The following TEX15 variants were observed in gnomAD, a reference collection of about 807,000 sequenced individuals.
The protein encoded by TEX15 is testis-expressed protein 15.
A neutral mutation model predicts 237.3 loss-of-function variants in TEX15; 171 were observed. The observed-to-expected ratio is 0.72, with a 90% CI of 0.64 to 0.82. The LOEUF (loss-of-function observed/expected upper bound fraction) is 0.82. Among genes scored for constraint, TEX15 ranks in the 40% least tolerant of loss-of-function variants. TEX15 has a pLI of 0.00. For missense variants in TEX15, 3,750 were observed against 3,646.5 expected, an observed-to-expected ratio of 1.03 and a Z score of -0.73; for synonymous variants, 1,338 against 1,269.8, an observed-to-expected ratio of 1.05 and a Z score of -1.14.
chr8:30,904,648 C>T (rs1034439424), intron 1 of TEX15, among the ~76,000 whole-genome samples: 1 of 152,018 alleles, frequency 6.6e-6, no homozygotes, highest in African/African-American at 2.4e-5. Context: ...GGTTAAAAAC[C>T]ACAAGTATTC....
intron 1 of TEX15, among the ~76,000 whole-genome samples, chr8:30,901,180 C>T (rs1808998525): frequency 6.6e-6 from 1 of 152,056 alleles, no homozygotes; most frequent in Non-Finnish European, 1.5e-5. Context: ...CCAAAATGGT[C>T]TTCAATAGCT....
At position 30,845,908 on chromosome 8, in the gene TEX15, C is replaced by T; in HGVS notation, c.4259G>A (p.Cys1420Tyr). Reference sequence around the variant, plus strand: ...GTCACAACTTTCCCAGAAATTATTGCATATTATTGCATATGATTTTGGTAA... The same window carrying T: ...GTCACAACTTTCCCAGAAATTATTGTATATTATTGCATATGATTTTGGTAA... ...GPLPKSYAII[C>Y]NNFWESCDLQ... is the part of the protein sequence containing the mutation. Residue 1420 changes from cysteine to tyrosine, a missense_variant, in exon 8 of 11, where the codon TGC becomes TAC. Cys to Tyr is a radical substitution (Grantham distance 194). Coordinates refer to ENST00000643185, the MANE Select transcript of TEX15 (RefSeq NM_001350162.2). 3 of 1,613,254 alleles carry T rather than the reference C, an allele frequency of 1.9e-6. No individual in the cohort carries two copies. Among genetic ancestry groups the T allele is most frequent in the Non-Finnish European group, 2.5e-6 (3 of 1,179,558 alleles).
rs183812023 is a variant in TEX15, at chr8:30,911,194, A to G, written c.-86+1685T>C. The stretch of plus-strand genomic sequence containing the variant: ...GAGTGCAGTGGTGCAATCTCAGCTC[A>G]CTGCAGCCTCAAACTCCCAGACTCA... On this transcript the variant is annotated intron_variant, in intron 1 of 10. Coordinates refer to ENST00000643185, the MANE Select transcript of TEX15 (RefSeq NM_001350162.2). Among the ~76,000 whole-genome samples the G allele has an allele frequency of 3.3e-4, 51 of 152,318 alleles. No homozygotes were observed. In the East Asian group the frequency reaches 9.3e-3, roughly 28 times the overall value.
chr8:30,843,615 G>A lies in TEX15; in HGVS notation c.6552C>T (p.Ser2184=), dbSNP rs61746109. Residue 2184 remains serine, a synonymous_variant, in exon 8 of 11, where the codon TCC becomes TCT. Transcript: ENST00000643185. ...CAGAAAGAGAAAAATCAAAGCAATCGGAACAATGCTCCATTATGGCTTCAC... is the reference window on the plus strand; with the variant it reads ...CAGAAAGAGAAAAATCAAAGCAATCAGAACAATGCTCCATTATGGCTTCAC... ...NECEAIMEHC[S]DCFDFSLSVP... is the part of the protein sequence containing the mutation. 3,381 of 1,612,708 alleles carry A rather than the reference G, an allele frequency of 2.1e-3. 69 individuals are homozygous for A. In the African/African-American group the frequency reaches 0.041, roughly 20 times the overall value.
In TEX15 at chr8:30,839,896, G is replaced by A. The variant is rs746356755; in HGVS notation, c.8222+10C>T. On this transcript the variant is annotated intron_variant, in intron 9 of 10. Transcript: ENST00000643185. The stretch of plus-strand genomic sequence containing the variant: ...TTTTTTTTCCACATAGGGCTGATGG[G>A]AACTCCTACCTTGGATGCTTGAATG... 6.3e-7 allele frequency: 1 copy of A among 1,592,724 alleles called. No homozygotes were observed. Among genetic ancestry groups the A allele is most frequent in the South Asian group, 1.2e-5 (1 of 86,500 alleles).
In TEX15 at chr8:30,871,500, C is replaced by A. The variant is rs569180581; in HGVS notation, c.302+3437G>T. On this transcript the variant is annotated intron_variant, in intron 4 of 10. Coordinates refer to ENST00000643185, the MANE Select transcript of TEX15 (RefSeq NM_001350162.2). The stretch of plus-strand genomic sequence containing the variant: ...ACCTTCCCAGGATTTCCAAGCAAGT[C>A]TTATGCTATGGTTGTTTAAAAATAA... 9.2e-5 allele frequency among the ~76,000 whole-genome samples: 14 copies of A among 152,144 alleles called. No individual in the cohort carries two copies. The South Asian group carries it at 2.9e-3, about 32-fold the overall frequency.
intron 7 of TEX15, among the ~76,000 whole-genome samples, chr8:30,855,827 G>A (rs323352): frequency 0.36 from 54,231 of 151,962 alleles, 14,828 homozygotes; most frequent in African/African-American, 0.76. Context: ...GAAATCAGGC[G>A]CAAAAAAGTC....
chr8:30,837,033 G>T lies in TEX15; in HGVS notation c.9251C>A (p.Ala3084Asp). The change falls in exon 10 of 11, where the codon GCC becomes GAC. Residue 3084 changes from alanine to aspartate, a missense_variant. Physicochemically the swap from Ala to Asp is moderately radical, Grantham distance 126. Coordinates refer to ENST00000643185, the MANE Select transcript of TEX15 (RefSeq NM_001350162.2). ...SGLLTTVAST[A>D]QGTHSNLLYS... is the part of the protein sequence containing the mutation. ...CAGAAGATTAGAATGTGTGCCCTGG[G>T]CAGTACTTGCAACTGTGGTCAACAG... 6.2e-7 allele frequency: 1 copy of T among 1,614,114 alleles called. No individual in the cohort carries two copies. The highest frequency in any genetic ancestry group is 8.5e-7 in the Non-Finnish European group (1 of 1,180,022).
In TEX15 at chr8:30,844,440, G is replaced by A. The variant is rs769685341; in HGVS notation, c.5727C>T (p.Val1909=). The A allele has an allele frequency of 1.9e-6, 3 of 1,612,708 alleles. No homozygotes were observed. Among genetic ancestry groups the A allele is most frequent in the East Asian group, 4.5e-5 (2 of 44,850 alleles). Residue 1909 remains valine, a synonymous_variant, in exon 8 of 11, where the codon GTC becomes GTT. Transcript: ENST00000643185. ...LSTKNTTTES[V]PLKNTVSNPL... is the part of the protein sequence containing the mutation. ...GATTAGAAACTGTGTTCTTCAAAGG[G>A]ACTGACTCAGTGGTAGTATTTTTAG...
At chr8:30,891,033 C>A (rs1446556399) in intron 2 of TEX15, among the ~76,000 whole-genome samples, 2 of 152,092 alleles carry the variant, frequency 1.3e-5, no homozygotes, top group Admixed American at 6.6e-5. Context: ...GAGGAAGATT[C>A]CTCACACAGA....
intron 5 of TEX15, among the ~76,000 whole-genome samples, chr8:30,863,915 A>C (rs367816850): frequency 1.0e-3 from 151 of 151,602 alleles, no homozygotes; most frequent in African/African-American, 3.4e-3. Context: ...AACAAAAAAT[A>C]TCACCAGGCA....
rs530778976 is a variant in TEX15 at position 30,864,246 on chromosome 8, C to T, written c.540+3019G>A. Reference sequence around the variant, plus strand: ...ATAAGTGATCTTAAAGATTGGAAAACGAAAATTATTGAGGCTGAGGAACAG... The same window carrying T: ...ATAAGTGATCTTAAAGATTGGAAAATGAAAATTATTGAGGCTGAGGAACAG... On this transcript the variant is annotated intron_variant, in intron 5 of 10. Coordinates refer to ENST00000643185, the MANE Select transcript of TEX15 (RefSeq NM_001350162.2). 1.6e-3 allele frequency among the ~76,000 whole-genome samples: 234 copies of T among 143,390 alleles called. 1 individual carries two copies. The highest frequency in any genetic ancestry group is 2.4e-3 in the African/African-American group (92 of 38,726). 94.1% of individuals were successfully genotyped at this position (143,390 alleles called of 152,430 possible). A position where few individuals can be genotyped will look rare whatever the true frequency, so the allele number is the denominator to read the frequency against.
intron 1 of TEX15, among the ~76,000 whole-genome samples, chr8:30,907,462 A>T (rs193021146): frequency 2.2e-4 from 33 of 147,838 alleles, no homozygotes; most frequent in Non-Finnish European, 3.9e-4. Context: ...TATAAATTAT[A>T]TACAAAATGT....
rs140639829 is a variant in TEX15 at position 30,848,458 on chromosome 8, T to A, written c.1709A>T (p.Asn570Ile). 4 of 1,614,026 alleles carry A rather than the reference T, an allele frequency of 2.5e-6. No homozygotes were observed. In the South Asian group the frequency reaches 4.4e-5, roughly 18 times the overall value. The change falls in exon 8 of 11, where the codon AAT becomes ATT. Residue 570 changes from asparagine (N) to isoleucine (I), a missense_variant. Transcript: ENST00000643185. ...KAQRAQQESG[N>I]AYTKEYSSHI... is the part of the protein sequence containing the mutation. ...ACTACTGTACTCTTTTGTATAAGCA[T>A]TACCGGACTCCTGTTGGGCTCTCTG...
chr8:30,840,065 C>A, intron 8 of TEX15, 101 bp from the exon 9 acceptor site: 1 of 649,614 alleles, frequency 1.5e-6, no homozygotes, highest in Admixed American at 3.7e-5. Context: ...GCTTGTTCTG[C>A]CATCATCTAA....
In TEX15 at chr8:30,837,567, T is replaced by G; in HGVS notation, c.8717A>C (p.His2906Pro). The change falls in exon 10 of 11, where the codon CAT (histidine) becomes CCT (proline). Residue 2906 changes from histidine (H) to proline (P), a missense_variant. Transcript: ENST00000643185. ...TGTGTCATTCATTTCTAGATCAGGA[T>G]GGACATCTTTCACAAAACAGAAAAT... ...KPIFCFVKDV[H>P]PDLEMNDTVF... The G allele has an allele frequency of 6.2e-7, 1 of 1,614,018 alleles. No homozygotes were observed. The highest frequency in any genetic ancestry group is 8.5e-7 in the Non-Finnish European group (1 of 1,179,928).
intron 2 of TEX15, chr8:30,888,673 T>A (rs901285798): frequency 7.8e-7 from 1 of 1,288,176 alleles, no homozygotes; most frequent in Non-Finnish European, 1.0e-6. Flanking sequence ...CTGACACCTA[T>A]CAACTGCTTA....
intron 3 of TEX15, among the ~76,000 whole-genome samples, chr8:30,881,286 G>A (rs1808514533): frequency 6.6e-6 from 1 of 151,918 alleles, no homozygotes; most frequent in Non-Finnish European, 1.5e-5. Flanking sequence ...CTATTTTCTG[G>A]AAGAGATTGT....
intron 7 of TEX15, among the ~76,000 whole-genome samples, chr8:30,853,512 T>C (rs766733106): frequency 1.3e-5 from 2 of 152,142 alleles, no homozygotes; most frequent in Non-Finnish European, 2.9e-5. Flanking sequence ...AAACACAGTA[T>C]AACAACTATT....
Sources: allele counts gnomAD v4.1 joint callset (sites outside exome capture counted in the v4.1 genomes callset), GRCh38; gene constraint gnomAD v4.1.1; transcripts MANE v1.5; gene names NCBI Gene and HGNC (gene_info 2026-07-23, HGNC 2026-07-21).